DIXDC1: variants seen among roughly 807,000 people sequenced by gnomAD.
DIXDC1 encodes DIX domain containing 1.
DIXDC1 carries 64 observed loss-of-function variants against 103.1 expected under a neutral mutation model. That is an observed-to-expected ratio of 0.62 (90% CI 0.51 to 0.76). DIXDC1 has a LOEUF of 0.76. DIXDC1 is among the 30% of genes least tolerant of loss of function. The pLI is 0.00. For missense variants in DIXDC1, 759 were observed against 834.2 expected (o/e 0.91, Z 1.11); for synonymous variants, 266 against 298.5 (o/e 0.89, Z 1.12).
rs71060203 is a variant in DIXDC1, at chr11:111,966,228, C to CTTTTTTTTTTTTTTCCT, written c.190+1563_190+1564insTCCTTTTTTTTTTTTTT. 5.2e-4 allele frequency among the ~76,000 whole-genome samples: 48 copies of CTTTTTTTTTTTTTTCCT among 91,724 alleles called. 1 individual carries two copies. The highest frequency in any genetic ancestry group is 6.5e-4 in the Non-Finnish European group (32 of 49,042). 60.2% of individuals were successfully genotyped at this position (91,724 alleles called of 152,430 possible). A position where few individuals can be genotyped will look rare whatever the true frequency, so the allele number is the denominator to read the frequency against. On this transcript the variant is annotated intron_variant, in intron 2 of 19. Transcript: ENST00000440460. ...CGGGGTTTTTTTTTTTTTTTTTTTC[C>CTTTTTTTTTTTTTTCCT]TTTTTTTTTTTTTGAAACGGAGTTT...
At chr11:111,969,029 T>C (rs1859824188) in intron 3 of DIXDC1, among the ~76,000 whole-genome samples, 1 of 150,916 alleles carries the variant, frequency 6.6e-6, no homozygotes, top group Admixed American at 6.6e-5. Context: ...CCGCCTCGCC[T>C]TGGCCTCCCA....
intron 5 of DIXDC1, among the ~76,000 whole-genome samples, chr11:111,979,796 A>G (rs1860237249): frequency 6.6e-6 from 1 of 152,096 alleles, no homozygotes; most frequent in Admixed American, 6.5e-5. Context: ...GTTCTACAAA[A>G]TGATTTAAAA....
At chr11:112,015,458 C>T (rs1055785971) in intron 17 of DIXDC1, 4 of 152,220 alleles carry the variant, frequency 2.6e-5, no homozygotes, top group African/African-American at 7.2e-5. Context: ...ATTTCTCCTA[C>T]GAAAGTCATA....
intron 1 of DIXDC1, chr11:111,929,703 T>C: frequency 1.7e-6 from 1 of 580,106 alleles, no homozygotes; most frequent in Non-Finnish European, 3.0e-6. Flanking sequence ...TACTTCAAGA[T>C]GACTTAAGTT....
chr11:111,968,013 A>G (rs1859792519), intron 2 of DIXDC1, among the ~76,000 whole-genome samples: 1 of 152,308 alleles, frequency 6.6e-6, no homozygotes, highest in Admixed American at 6.5e-5. Context: ...AAATCTTAAC[A>G]TGCTTTACTT....
intron 1 of DIXDC1, among the ~76,000 whole-genome samples, chr11:111,962,363 TC>T (rs1859608623): frequency 1.3e-5 from 2 of 151,878 alleles, no homozygotes; most frequent in Admixed American, 6.6e-5. Context: ...GCACCCGTAG[TC>T]CCAGCTACTT....
chr11:111,973,840 T>C (rs2137533014), intron 3 of DIXDC1, among the ~76,000 whole-genome samples, 183 bp from the exon 4 acceptor site: 1 of 152,374 alleles, frequency 6.6e-6, no homozygotes, highest in South Asian at 2.1e-4. Context: ...GATCTTACTT[T>C]ATTGTCATTG....
intron 17 of DIXDC1, 141 bp downstream of exon 17, chr11:111,996,287 A>C: frequency 1.4e-6 from 1 of 698,614 alleles, no homozygotes; most frequent in South Asian, 1.9e-5. Flanking sequence ...CAATACTGCA[A>C]TTGAGTTAGT....
chr11:111,994,820 C>T (rs1289807374), intron 14 of DIXDC1, among the ~76,000 whole-genome samples, 199 bp from the exon 15 acceptor site: 1 of 151,898 alleles, frequency 6.6e-6, no homozygotes, highest in Admixed American at 6.6e-5. Flanking sequence ...TACTAAGTGT[C>T]AAGTGCTGGG....
At chr11:111,995,344 G>T in intron 15 of DIXDC1, 59 bp from the exon 16 acceptor site, 1 of 1,597,074 alleles carries the variant, frequency 6.3e-7, no homozygotes, top group Non-Finnish European at 8.5e-7. Context: ...ATCCTTTTAA[G>T]CCCAGTGGTT....
rs1188336237 is a variant in DIXDC1, at chr11:111,977,481, G to A, written c.656+2498G>A. On this transcript the variant is annotated intron_variant, in intron 5 of 19. Transcript: ENST00000440460. The surrounding 1 kb of genome is among the most constrained non-coding windows in gnomAD (Gnocchi z 6.1). Reference sequence around the variant, plus strand: ...CAGCGGCCAGGGGCCGGCAGCCTGCGAGGGGAGGCAGCTTCCGCCGGGGCC... The same window carrying A: ...CAGCGGCCAGGGGCCGGCAGCCTGCAAGGGGAGGCAGCTTCCGCCGGGGCC... The A allele has an allele frequency of 7.6e-7, 1 of 1,317,386 alleles. No homozygotes were observed. Among genetic ancestry groups the A allele is most frequent in the Non-Finnish European group, 9.7e-7 (1 of 1,036,000 alleles). 81.6% of individuals were successfully genotyped at this position (1,317,386 alleles called of 1,614,324 possible). A position where few individuals can be genotyped will look rare whatever the true frequency, so the allele number is the denominator to read the frequency against.
Position 112,016,699 on chromosome 11 carries a change from C to A in DIXDC1, c.1765C>A (p.His589Asn). 6.3e-7 allele frequency: 1 copy of A among 1,599,430 alleles called. No individual in the cohort carries two copies. Among genetic ancestry groups the A allele is most frequent in the Non-Finnish European group, 8.5e-7 (1 of 1,173,366 alleles). The change falls in exon 18 of 20, where the codon CAC becomes AAC. Residue 589 changes from histidine to asparagine, a missense_variant. Transcript: ENST00000440460. ...ESWPPNSKLP[H>N]SQSSPTVSST... ...TCTCTTTCTGATTGTAGAGTTGCCT[C>A]ACTCACAGAGCTCTCCAACTGTCAG...
At chr11:111,956,360 T>C (rs782228767) in intron 1 of DIXDC1, among the ~76,000 whole-genome samples, 2 of 152,172 alleles carry the variant, frequency 1.3e-5, no homozygotes, top group African/African-American at 2.4e-5. Context: ...ATATGGTAAA[T>C]TTTTTGTTTC....
intron 1 of DIXDC1, among the ~76,000 whole-genome samples, chr11:111,950,430 ATATATATATTTTTTTTTTTTTTTTTTTTT>A (rs1168260593): frequency 8.0e-4 from 17 of 21,174 alleles, no homozygotes; most frequent in African/African-American, 3.8e-3. Flanking sequence ...ATATATATAT[ATATATATATTTTTTTTTTTTTTTTTTTTT>A]TTTTTTTTTT....
At chr11:111,940,169 G>T (rs892801829) in intron 1 of DIXDC1, among the ~76,000 whole-genome samples, 10 of 152,210 alleles carry the variant, frequency 6.6e-5, no homozygotes, top group African/African-American at 2.4e-4. Flanking sequence ...GTTGGCTTCT[G>T]TTCTCAATCC....
In DIXDC1 at chr11:111,929,746, C is replaced by T. The variant is rs7126484; in HGVS notation, c.-36-72C>T. 3.1e-3 allele frequency: 3,006 copies of T among 968,518 alleles called. 49 individuals are homozygous for T. The African/African-American group carries it at 0.041, about 13-fold the overall frequency. 60.0% of individuals were successfully genotyped at this position (968,518 alleles called of 1,614,324 possible). On this transcript the variant is annotated intron_variant, in intron 1 of 5. Coordinates refer to the DIXDC1 transcript ENST00000529225. ...TTTGGGGAGGGGTCTGGCCCCAACT[C>T]GGTTAGTTGAGCTTTAAATTTTTTT...
chr11:111,948,750 TC>T (rs1388589307), intron 1 of DIXDC1, among the ~76,000 whole-genome samples: 1 of 151,224 alleles, frequency 6.6e-6, no homozygotes, highest in Non-Finnish European at 1.5e-5. Flanking sequence ...CTGGCCTACT[TC>T]ATAGGAAGGA....
intron 14 of DIXDC1, among the ~76,000 whole-genome samples, chr11:111,994,521 ATATATGTATATGTGTG>A (rs782359686): frequency 4.6e-5 from 7 of 151,206 alleles, no homozygotes; most frequent in Admixed American, 2.0e-4. Flanking sequence ...AACCATACAT[ATATATGTATATGTGTG>A]TATATGTATA....
At chr11:111,956,515 G>A (rs1555170581) in intron 1 of DIXDC1, among the ~76,000 whole-genome samples, 1 of 152,102 alleles carries the variant, frequency 6.6e-6, no homozygotes, top group Non-Finnish European at 1.5e-5. Context: ...TTAAGATGGA[G>A]TTTCACTCTT....
Sources: gnomAD v4.1 joint callset for allele counts (sites outside exome capture counted in the v4.1 genomes callset) on GRCh38, gnomAD v4.1.1 for gene constraint, Gnocchi (gnomAD v3.1) non-coding constraint, MANE v1.5 for transcripts, NCBI Gene and HGNC (gene_info 2026-07-23, HGNC 2026-07-21) for gene names.